Variants in USP14 observed in about 807,000 individuals in gnomAD.
The protein encoded by USP14 is ubiquitin specific peptidase 14, also known as ubiquitin carboxyl-terminal hydrolase 14.
In USP14, 38 loss-of-function variants were observed where a neutral mutation model predicts 76.5. That is an observed-to-expected ratio of 0.50 (90% CI 0.38 to 0.65). The LOEUF (loss-of-function observed/expected upper bound fraction) is 0.65, where lower values mean the gene tolerates loss of function less well. USP14 is among the 30% of genes least tolerant of loss of function. The pLI, the probability that USP14 is intolerant of heterozygous loss-of-function variation, is 0.00. For synonymous variants in USP14, 192 were observed against 191.7 expected (o/e 1.00, Z -0.01); for missense variants, 467 against 586.5 (o/e 0.80, Z 2.10).
chr18:193,707 G>A (rs1232095066), intron 6 of USP14, among the ~76,000 whole-genome samples: 1 of 152,102 alleles, frequency 6.6e-6, no homozygotes, highest in Non-Finnish European at 1.5e-5. Context: ...CTTGTGACTG[G>A]TGTCTTTCAC....
rs1910721589 is a variant in USP14 at position 213,195 on chromosome 18, T to C, written c.*1911T>C. 6.6e-6 allele frequency: 1 copy of C among 152,214 alleles called. No homozygotes were observed. Among genetic ancestry groups the C allele is most frequent in the Non-Finnish European group, 1.5e-5 (1 of 68,046 alleles). The allele number at this position is 152,214 out of a possible 1,614,324, so 9.4% of individuals were successfully genotyped here. A position where few individuals can be genotyped will look rare whatever the true frequency, so the allele number is the denominator to read the frequency against. The stretch of plus-strand genomic sequence containing the variant: ...GTCTCATTTGGTCAGAACAATTTTA[T>C]TGAGGACATGAATTTAACAATTAGA... On this transcript the variant is annotated 3_prime_UTR_variant, in exon 16 of 16. Transcript: ENST00000261601.
chr18:173,494 C>T (rs1170340269), intron 3 of USP14, among the ~76,000 whole-genome samples: 1 of 151,664 alleles, frequency 6.6e-6, no homozygotes, highest in African/African-American at 2.4e-5. Flanking sequence ...TCACCGCAAC[C>T]TCCGTCTCCC....
intron 3 of USP14, among the ~76,000 whole-genome samples, chr18:172,494 C>T (rs975786704): frequency 6.6e-6 from 1 of 152,174 alleles, no homozygotes; most frequent in Non-Finnish European, 1.5e-5. Flanking sequence ...CGAAAGAAGT[C>T]CTACTGTGGA....
intron 1 of USP14, chr18:162,956 C>T (rs1273031284): frequency 6.2e-6 from 1 of 162,076 alleles, no homozygotes; most frequent in African/African-American, 2.4e-5. Flanking sequence ...CGCCACCACA[C>T]CTGGCTAATT....
intron 8 of USP14, 126 bp downstream of exon 8, chr18:197,822 A>G (rs886756972): frequency 1.5e-5 from 11 of 735,704 alleles, no homozygotes; most frequent in Admixed American, 6.1e-5. Context: ...AATACTTTAG[A>G]TGCTCAATCT....
intron 5 of USP14, among the ~76,000 whole-genome samples, chr18:187,231 T>G (rs1170309386): frequency 6.6e-6 from 1 of 152,196 alleles, no homozygotes; most frequent in African/African-American, 2.4e-5. Context: ...TTTTATCATA[T>G]GTATTATTAT....
At chr18:171,025 A>AAAAATATATATATATATATATATATAT (rs1327304974) in intron 3 of USP14, among the ~76,000 whole-genome samples, 1 of 47,646 alleles carries the variant, frequency 2.1e-5, no homozygotes, top group Non-Finnish European at 3.7e-5. Context: ...AAAAAAAAAA[A>AAAAATATATATATATATATATATATAT]ATATATATAT....
intron 6 of USP14, among the ~76,000 whole-genome samples, chr18:193,630 GTTAT>G (rs1313455461): frequency 6.6e-6 from 1 of 152,060 alleles, no homozygotes; most frequent in Non-Finnish European, 1.5e-5. Context: ...TTATCTATGT[GTTAT>G]TTCTCTCTAG....
intron 5 of USP14, among the ~76,000 whole-genome samples, chr18:181,136 CCATT>C (rs1304899718): frequency 3.9e-5 from 6 of 152,156 alleles, no homozygotes; most frequent in African/African-American, 9.7e-5. Flanking sequence ...TTTTATTTAT[CCATT>C]CATTTTGTTG....
intron 1 of USP14, 39 bp from the exon 2 acceptor site, chr18:163,266 CTTG>C: frequency 6.5e-7 from 1 of 1,538,010 alleles, no homozygotes; most frequent in South Asian, 1.2e-5. Context: ...TAAATCTTGT[CTTG>C]TTATTTTTTA....
chr18:211,152 T>C lies in USP14; in HGVS notation c.1353T>C (p.Asp451=). Residue 451 remains aspartate, a synonymous_variant, in exon 16 of 16, where the codon GAT becomes GAC. Coordinates refer to ENST00000261601, the MANE Select transcript of USP14 (RefSeq NM_005151.4). ...ATTTAGATGAATGGATTAAGTTTGA[T>C]GATGACAAAGTCAGCATCGTAACAC... is the stretch of plus-strand genomic sequence containing the variant. The part of the protein sequence containing the change: ...KRKQDEWIKF[D]DDKVSIVTPE... The C allele has an allele frequency of 1.2e-6, 2 of 1,613,642 alleles. No homozygotes were observed. The highest frequency in any genetic ancestry group is 1.7e-6 in the Non-Finnish European group (2 of 1,179,726).
chr18:186,544 G>A (rs1399322447), intron 5 of USP14, among the ~76,000 whole-genome samples: 1 of 152,170 alleles, frequency 6.6e-6, no homozygotes. Context: ...CCGAAGGTCA[G>A]GAGTTCAAGA....
intron 3 of USP14, among the ~76,000 whole-genome samples, chr18:172,280 A>G (rs1304459879): frequency 5.3e-5 from 8 of 152,120 alleles, no homozygotes; most frequent in African/African-American, 1.9e-4. Flanking sequence ...TGAAATTGTG[A>G]CTGAATTGCC....
chr18:177,953 T>C (rs1909672494), intron 3 of USP14, among the ~76,000 whole-genome samples: 1 of 152,202 alleles, frequency 6.6e-6, no homozygotes. Flanking sequence ...TATTTAAATG[T>C]AAACAATCAC....
chr18:184,368 AC>A (rs1909870573), intron 5 of USP14, among the ~76,000 whole-genome samples: 1 of 152,176 alleles, frequency 6.6e-6, no homozygotes, highest in African/African-American at 2.4e-5. Flanking sequence ...GAACAGAAAA[AC>A]ATTCCACGAG....
chr18:179,787 G>A (rs922970586), intron 4 of USP14, among the ~76,000 whole-genome samples: 5 of 148,510 alleles, frequency 3.4e-5, no homozygotes, highest in Non-Finnish European at 7.4e-5. Context: ...TTTTTGTAGA[G>A]ATGGGGTCTT....
At position 168,186 on chromosome 18, in the gene USP14, A is replaced by G. The variant is rs1019013740; in HGVS notation, c.195+1367A>G. 4.6e-5 allele frequency among the ~76,000 whole-genome samples: 7 copies of G among 152,092 alleles called. No homozygotes were observed. In the South Asian group the frequency reaches 1.4e-3, roughly 31 times the overall value. ...GGTGATCCGCCCACCTTGGCCTCCC[A>G]GAGTGCTAGGATTACAGGCGTGAGC... is the stretch of plus-strand genomic sequence containing the variant. On this transcript the variant is annotated intron_variant, in intron 3 of 15. Coordinates refer to ENST00000261601, the MANE Select transcript of USP14 (RefSeq NM_005151.4).
chr18:184,376 C>T (rs1013805511), intron 5 of USP14, among the ~76,000 whole-genome samples: 4 of 152,146 alleles, frequency 2.6e-5, no homozygotes, highest in African/African-American at 9.7e-5. Flanking sequence ...AAACATTCCA[C>T]GAGAGGTGTT....
intron 2 of USP14, 109 bp downstream of exon 2, chr18:163,562 TATG>T (rs1372555698): frequency 3.2e-6 from 4 of 1,258,980 alleles, no homozygotes; most frequent in South Asian, 3.2e-5. Flanking sequence ...GCTTTTTTTA[TATG>T]ATGAGAGTAT....
Sources: allele counts gnomAD v4.1 joint callset (sites outside exome capture counted in the v4.1 genomes callset), GRCh38; gene constraint gnomAD v4.1.1; transcripts MANE v1.5; gene names NCBI Gene and HGNC (gene_info 2026-07-23, HGNC 2026-07-21).